PAPPA: variants seen among roughly 807,000 people sequenced by gnomAD.
PAPPA encodes pappalysin 1.
Under a neutral mutation model 164.0 loss-of-function variants are expected in PAPPA, and 60 were observed. That is an observed-to-expected ratio of 0.37 (90% confidence interval 0.30 to 0.45). PAPPA has a LOEUF of 0.45. PAPPA is among the 20% of genes least tolerant of loss of function. The probability of loss-of-function intolerance (pLI) is 1.00; values close to 1 mark genes in which losing one functional copy is unlikely to be tolerated. For synonymous variants in PAPPA, 875 were observed against 814.1 expected, an observed-to-expected ratio of 1.07 and a Z score of -1.27; for missense variants, 1,782 against 2,087.3, an observed-to-expected ratio of 0.85 and a Z score of 2.85.
intron 21 of PAPPA, among the ~76,000 whole-genome samples, chr9:116,386,334 A>T (rs1846811696): frequency 6.6e-6 from 1 of 152,190 alleles, no homozygotes; most frequent in South Asian, 2.1e-4. Context: ...GGACACCCCC[A>T]ACTACTCCCT....
At chr9:116,299,312 T>C (rs1278069997) in intron 9 of PAPPA, among the ~76,000 whole-genome samples, 2 of 152,206 alleles carry the variant, frequency 1.3e-5, no homozygotes, top group Non-Finnish European at 2.9e-5. Flanking sequence ...CGTATCTATA[T>C]ATCATCTATT....
At chr9:116,352,588 G>C in intron 15 of PAPPA, 118 bp from the exon 16 acceptor site, 1 of 782,174 alleles carries the variant, frequency 1.3e-6, no homozygotes, top group Non-Finnish European at 2.2e-6. Flanking sequence ...GAAGGGGTTG[G>C]AATTCCACAT....
chr9:116,317,662 A>G (rs1224108968), intron 10 of PAPPA, among the ~76,000 whole-genome samples: 2 of 152,204 alleles, frequency 1.3e-5, no homozygotes, highest in Non-Finnish European at 2.9e-5. Flanking sequence ...AGAACTTAGA[A>G]GTGTTTCAGT....
intron 5 of PAPPA, among the ~76,000 whole-genome samples, chr9:116,221,697 A>C (rs1286059912): frequency 2.0e-5 from 3 of 152,124 alleles, no homozygotes; most frequent in Non-Finnish European, 4.4e-5. Context: ...AATTGGAGAA[A>C]AGGCATTACA....
chr9:116,212,652 A>T (rs1342745092), intron 4 of PAPPA, among the ~76,000 whole-genome samples: 1 of 152,206 alleles, frequency 6.6e-6, no homozygotes. Flanking sequence ...CAAAGATTGC[A>T]TCTAATACAT....
intron 1 of PAPPA, among the ~76,000 whole-genome samples, chr9:116,165,583 C>T (rs1843711566): frequency 6.6e-6 from 1 of 152,178 alleles, no homozygotes; most frequent in South Asian, 2.1e-4. Flanking sequence ...CCTGCACCCC[C>T]TTCAACCTGC....
At chr9:116,361,091 G>T (rs530926648) in intron 17 of PAPPA, among the ~76,000 whole-genome samples, 1 of 152,342 alleles carries the variant, frequency 6.6e-6, no homozygotes, top group Admixed American at 6.5e-5. Context: ...TTCAAGGTTG[G>T]TGGTGGTGCT....
intron 8 of PAPPA, among the ~76,000 whole-genome samples, chr9:116,269,327 C>T (rs1174364497): frequency 1.3e-5 from 2 of 152,110 alleles, no homozygotes; most frequent in Non-Finnish European, 2.9e-5. Context: ...CATCTGGATT[C>T]CCCATTGCAT....
intron 15 of PAPPA, among the ~76,000 whole-genome samples, chr9:116,350,284 C>A (rs1036756343): frequency 6.6e-6 from 1 of 152,174 alleles, no homozygotes; most frequent in African/African-American, 2.4e-5. Flanking sequence ...AAACGAAGGG[C>A]ACATCATGTA....
intron 9 of PAPPA, chr9:116,286,836 T>A (rs941728006): frequency 1.5e-5 from 1 of 67,644 alleles, no homozygotes; most frequent in Non-Finnish European, 3.6e-5. Flanking sequence ...CAGCTTCTCA[T>A]TTTTTTGTCC....
intron 5 of PAPPA, among the ~76,000 whole-genome samples, chr9:116,221,873 CA>C (rs1256895066): frequency 6.6e-6 from 1 of 152,176 alleles, no homozygotes; most frequent in Non-Finnish European, 1.5e-5. Flanking sequence ...AAGAAATGCT[CA>C]ACCTCACTAA....
chr9:116,270,120 C>T (rs1013016007), intron 8 of PAPPA, among the ~76,000 whole-genome samples: 13 of 152,330 alleles, frequency 8.5e-5, no homozygotes, highest in African/African-American at 2.9e-4. Context: ...GGAGGGACAG[C>T]TGTCACACAC....
At chr9:116,344,332 C>A (rs1846178258) in intron 13 of PAPPA, among the ~76,000 whole-genome samples, 1 of 152,168 alleles carries the variant, frequency 6.6e-6, no homozygotes, top group African/African-American at 2.4e-5. Flanking sequence ...GATTTGAACT[C>A]TGGTTTGTCT....
chr9:116,384,103 G>A (rs2118705965), intron 21 of PAPPA, among the ~76,000 whole-genome samples: 1 of 151,862 alleles, frequency 6.6e-6, no homozygotes, highest in East Asian at 1.9e-4. Context: ...GCTTAGTTTT[G>A]TTTACTTAGC....
rs1392115392 is a variant in PAPPA, at chr9:116,331,290, A to G, written c.3194A>G (p.His1065Arg). The G allele has an allele frequency of 6.2e-7, 1 of 1,614,002 alleles. No individual in the cohort carries two copies. The highest frequency in any genetic ancestry group is 8.5e-7 in the Non-Finnish European group (1 of 1,179,848). ...VIDLSEGISQ[H>R]AWYPCTISYP... ...GATCTCAGTGAAGGCATTTCCCAGC[A>G]TGCCTGGTACCCTTGCACCATCAGC... Residue 1065 changes from histidine to arginine, a missense_variant, in exon 11 of 22, where the codon CAT (histidine) becomes CGT (arginine). By Grantham distance (29) the His-to-Arg change is conservative. Coordinates refer to ENST00000328252, the MANE Select transcript of PAPPA (RefSeq NM_002581.5).
chr9:116,241,395 C>T lies in PAPPA; in HGVS notation c.2732+5758C>T, dbSNP rs532550553. ...TTTTAGATAGGTGGTCAGGAAAGTC[C>T]TCTCTGATGAGATGACATTTGAACA... is the stretch of plus-strand genomic sequence containing the variant. On this transcript the variant is annotated intron_variant, in intron 7 of 21. Coordinates refer to ENST00000328252, the MANE Select transcript of PAPPA (RefSeq NM_002581.5). 1.2e-4 allele frequency among the ~76,000 whole-genome samples: 19 copies of T among 152,266 alleles called. No individual in the cohort carries two copies. The South Asian group carries it at 3.9e-3, about 32-fold the overall frequency.
chr9:116,389,482 C>T (rs933801089), intron 21 of PAPPA, among the ~76,000 whole-genome samples: 1 of 152,152 alleles, frequency 6.6e-6, no homozygotes, highest in Non-Finnish European at 1.5e-5. Flanking sequence ...GCCTACAAAG[C>T]TCTTGGGAAA....
At chr9:116,193,621 G>A (rs1042355897) in intron 2 of PAPPA, among the ~76,000 whole-genome samples, 1 of 152,080 alleles carries the variant, frequency 6.6e-6, no homozygotes, top group Non-Finnish European at 1.5e-5. Flanking sequence ...AGACACCTTA[G>A]ACACCAGCTT....
intron 2 of PAPPA, among the ~76,000 whole-genome samples, chr9:116,204,091 A>G (rs2118667634): frequency 6.6e-6 from 1 of 152,202 alleles, no homozygotes; most frequent in Non-Finnish European, 1.5e-5. Context: ...GGGGGCTCAC[A>G]TTTTCTAGTT....
Sources: gnomAD v4.1 joint callset for allele counts (sites outside exome capture counted in the v4.1 genomes callset) on GRCh38, gnomAD v4.1.1 for gene constraint, MANE v1.5 for transcripts, NCBI Gene and HGNC (gene_info 2026-07-23, HGNC 2026-07-21) for gene names.